The following TNNI3K variants were observed in gnomAD, a reference collection of about 807,000 sequenced individuals.
TNNI3K encodes the protein serine/threonine-protein kinase TNNI3K.
Under a neutral mutation model 114.5 loss-of-function variants are expected in TNNI3K, and 140 were observed. That is an observed-to-expected ratio of 1.22 (90% CI 1.07 to 1.41). The LOEUF (loss-of-function observed/expected upper bound fraction) is 1.41, where lower values mean the gene tolerates loss of function less well. Among genes scored for constraint, TNNI3K ranks in the 40% most tolerant of loss-of-function variants. The probability of loss-of-function intolerance (pLI) is 0.00; values close to 1 mark genes in which losing one functional copy is unlikely to be tolerated. For missense variants in TNNI3K, 1,125 were observed against 1,007.6 expected (o/e 1.12, Z -1.58); for synonymous variants, 347 against 347.5 (o/e 1.00, Z 0.02).
chr1:74,366,072 C>T (rs12136497), intron 11 of TNNI3K, among the ~76,000 whole-genome samples: 9,956 of 151,288 alleles, frequency 0.066, 369 homozygotes, highest in Middle Eastern at 0.1. Flanking sequence ...AAAGTTTTTG[C>T]GGAAGGGAAG....
intron 23 of TNNI3K, among the ~76,000 whole-genome samples, chr1:74,538,129 G>A (rs1046095230): frequency 5.3e-5 from 8 of 152,068 alleles, no homozygotes; most frequent in East Asian, 1.9e-4. Flanking sequence ...AGTTGAGAGT[G>A]CTCAGCCATA....
chr1:74,330,406 AAACT>A (rs1660135344), intron 5 of TNNI3K, among the ~76,000 whole-genome samples: 1 of 152,118 alleles, frequency 6.6e-6, no homozygotes. Context: ...AACTTTGCTA[AAACT>A]AACTTTTATT....
At chr1:74,435,532 C>T (rs1464099958) in intron 17 of TNNI3K, among the ~76,000 whole-genome samples, 2 of 151,952 alleles carry the variant, frequency 1.3e-5, no homozygotes, top group Non-Finnish European at 2.9e-5. Flanking sequence ...TCCTCAAAAC[C>T]TTAAAAAGTG....
At chr1:74,351,656 T>C (rs1661349684) in intron 9 of TNNI3K, among the ~76,000 whole-genome samples, 1 of 152,176 alleles carries the variant, frequency 6.6e-6, no homozygotes, top group Non-Finnish European at 1.5e-5. Context: ...CTTGGAGGCT[T>C]TGTTCATTTC....
chr1:74,401,868 C>A (rs747066350), intron 17 of TNNI3K: 8 of 454,656 alleles, frequency 1.8e-5, no homozygotes, highest in Non-Finnish European at 3.5e-5. Context: ...ATCTGGATCA[C>A]CCATAGTATT....
At chr1:74,360,888 G>A (rs986426969) in intron 11 of TNNI3K, among the ~76,000 whole-genome samples, 2 of 152,044 alleles carry the variant, frequency 1.3e-5, no homozygotes, top group Admixed American at 6.6e-5. Flanking sequence ...CTTCTTGAGA[G>A]CAAGCATTTG....
intron 5 of TNNI3K, among the ~76,000 whole-genome samples, chr1:74,294,860 A>AT (rs1378913902): frequency 2.7e-5 from 4 of 150,740 alleles, no homozygotes; most frequent in South Asian, 2.1e-4. Flanking sequence ...TATCTTCTCT[A>AT]TTTTTTTTAC....
At chr1:74,335,083 T>C (rs1216042600) in intron 6 of TNNI3K, among the ~76,000 whole-genome samples, 1 of 152,120 alleles carries the variant, frequency 6.6e-6, no homozygotes, top group Non-Finnish European at 1.5e-5. Context: ...CCAACAAAAA[T>C]AAAAAATAAC....
At chr1:74,327,023 G>T (rs945476325) in intron 5 of TNNI3K, among the ~76,000 whole-genome samples, 74 of 151,092 alleles carry the variant, frequency 4.9e-4, no homozygotes, top group Non-Finnish European at 1.0e-3. Flanking sequence ...GGAGGTTGCA[G>T]TGAGCCGAGA....
chr1:74,368,936 T>G, intron 13 of TNNI3K, 86 bp from the exon 14 acceptor site: 1 of 1,072,194 alleles, frequency 9.3e-7, no homozygotes, highest in South Asian at 2.2e-5. Context: ...AATTATGTTT[T>G]TAGTTAAATA....
chr1:74,358,865 G>A (rs1390839677), intron 11 of TNNI3K, among the ~76,000 whole-genome samples: 2 of 151,946 alleles, frequency 1.3e-5, no homozygotes, highest in African/African-American at 4.8e-5. Flanking sequence ...AATAACGTAA[G>A]AATTCACATA....
At chr1:74,464,605 G>C in intron 21 of TNNI3K, 1 of 1,543,188 alleles carries the variant, frequency 6.5e-7, no homozygotes, top group Non-Finnish European at 8.7e-7. Context: ...TTTGAAAAGA[G>C]AATGCAAATT....
intron 17 of TNNI3K, among the ~76,000 whole-genome samples, chr1:74,401,152 A>C (rs958070939): frequency 6.6e-6 from 1 of 152,218 alleles, no homozygotes; most frequent in Non-Finnish European, 1.5e-5. Flanking sequence ...ATACCTATAG[A>C]AAAGCTTTCG....
At chr1:74,538,521 G>A (rs1646687982) in intron 23 of TNNI3K, among the ~76,000 whole-genome samples, 1 of 152,034 alleles carries the variant, frequency 6.6e-6, no homozygotes, top group East Asian at 1.9e-4. Flanking sequence ...GAATATGGAG[G>A]GTGTATAAGT....
In TNNI3K at chr1:74,353,342, G is replaced by C. The variant is rs752906614; in HGVS notation, c.1009G>C (p.Gly337Arg). The C allele has an allele frequency of 6.2e-7, 1 of 1,613,722 alleles. No homozygotes were observed. The highest frequency in any genetic ancestry group is 1.1e-5 in the South Asian group (1 of 91,050). ...DQNVININHQ[G>R]RDGHTGLHSA... ...GAATGTCATAAACATCAACCACCAAGGAAGGGATGGGCACACTGGTAAGAC... is the reference window on the plus strand; with the variant it reads ...GAATGTCATAAACATCAACCACCAACGAAGGGATGGGCACACTGGTAAGAC... The change falls in exon 10 of 25, where the codon GGA (glycine) becomes CGA (arginine). Residue 337 changes from glycine to arginine, a missense_variant. By Grantham distance (125) the Gly-to-Arg change is moderately radical. Coordinates refer to ENST00000326637, the MANE Select transcript of TNNI3K (RefSeq NM_015978.3).
intron 23 of TNNI3K, among the ~76,000 whole-genome samples, chr1:74,504,553 T>G (rs887211456): frequency 2.0e-5 from 3 of 152,064 alleles, no homozygotes; most frequent in African/African-American, 7.2e-5. Flanking sequence ...CAAAATATTC[T>G]GTTCAAAAGA....
At chr1:74,457,987 A>G (rs1667296801) in intron 20 of TNNI3K, among the ~76,000 whole-genome samples, 1 of 152,190 alleles carries the variant, frequency 6.6e-6, no homozygotes. Context: ...TGTTCTAAAC[A>G]AAACAGAAAA....
At chr1:74,484,894 G>A (rs1668673675) in intron 21 of TNNI3K, among the ~76,000 whole-genome samples, 1 of 152,156 alleles carries the variant, frequency 6.6e-6, no homozygotes, top group Admixed American at 6.5e-5. Context: ...TTTTAGATAA[G>A]CAAAGAACAT....
intron 23 of TNNI3K, among the ~76,000 whole-genome samples, chr1:74,538,162 G>T (rs1045998023): frequency 3.9e-5 from 6 of 152,162 alleles, no homozygotes; most frequent in African/African-American, 1.4e-4. Context: ...AGAAAATTGA[G>T]GAATGTTTGC....
Sources: gnomAD v4.1 joint callset for allele counts (sites outside exome capture counted in the v4.1 genomes callset) on GRCh38, gnomAD v4.1.1 for gene constraint, MANE v1.5 for transcripts, NCBI Gene and HGNC (gene_info 2026-07-23, HGNC 2026-07-21) for gene names.